SORCS2: variants seen among roughly 807,000 people sequenced by gnomAD.
SORCS2 encodes the protein VPS10 domain-containing receptor SorCS2.
A neutral mutation model predicts 141.6 loss-of-function variants in SORCS2; 100 were observed. The observed-to-expected ratio is 0.71, with a 90% CI of 0.60 to 0.83. The LOEUF (loss-of-function observed/expected upper bound fraction) is 0.83. Among genes scored for constraint, SORCS2 ranks in the 40% least tolerant of loss-of-function variants. The pLI, the probability that SORCS2 is intolerant of heterozygous loss-of-function variation, is 0.00. For missense variants in SORCS2, 1,646 were observed against 1,560.2 expected, an observed-to-expected ratio of 1.05 and a Z score of -0.93; for synonymous variants, 789 against 676.9, an observed-to-expected ratio of 1.17 and a Z score of -2.57.
At chr4:7,217,014 C>G (rs1728400255) in intron 1 of SORCS2, among the ~76,000 whole-genome samples, 1 of 152,226 alleles carries the variant, frequency 6.6e-6, no homozygotes, top group South Asian at 2.1e-4. Flanking sequence ...CTCTTCCAAT[C>G]CTCCGACCGC....
At chr4:7,710,556 A>G (rs1352129112) in intron 14 of SORCS2, among the ~76,000 whole-genome samples, 3 of 152,138 alleles carry the variant, frequency 2.0e-5, no homozygotes, top group South Asian at 2.1e-4. Flanking sequence ...TAAGAGACCA[A>G]TGCCCCAGGC....
intron 1 of SORCS2, among the ~76,000 whole-genome samples, chr4:7,252,479 G>T (rs1008634547): frequency 2.0e-5 from 3 of 152,254 alleles, no homozygotes; most frequent in African/African-American, 4.8e-5. Flanking sequence ...ATGTTCCTAT[G>T]ATGGTTGAAC....
intron 26 of SORCS2, among the ~76,000 whole-genome samples, chr4:7,738,972 G>T (rs1037736882): frequency 6.6e-6 from 1 of 152,132 alleles, no homozygotes; most frequent in African/African-American, 2.4e-5. Flanking sequence ...ATGGCGTGAT[G>T]CGTCTGTAGA....
chr4:7,682,302 A>G (rs1210449286), intron 9 of SORCS2, among the ~76,000 whole-genome samples: 1 of 152,122 alleles, frequency 6.6e-6, no homozygotes, highest in African/African-American at 2.4e-5. Context: ...CGCAGAGGCA[A>G]GCCCAGAGGC....
In SORCS2 at chr4:7,547,272, C is replaced by G. The variant is rs75421146; in HGVS notation, c.648+15643C>G. On this transcript the variant is annotated intron_variant, in intron 3 of 26. Coordinates refer to ENST00000507866, the MANE Select transcript of SORCS2 (RefSeq NM_020777.3). Reference sequence around the variant, plus strand: ...CAGCCCACACTACCTTCGCTACTGTCTCCTCTCACCAAGCTGACTCCAGCA... The same window carrying G: ...CAGCCCACACTACCTTCGCTACTGTGTCCTCTCACCAAGCTGACTCCAGCA... 3.3e-3 allele frequency among the ~76,000 whole-genome samples: 501 copies of G among 152,330 alleles called. 24 individuals are homozygous for G. In the East Asian group the frequency reaches 0.08, roughly 24 times the overall value.
intron 3 of SORCS2, among the ~76,000 whole-genome samples, chr4:7,635,797 C>G (rs751351704): frequency 3.3e-5 from 5 of 152,204 alleles, no homozygotes; most frequent in Non-Finnish European, 5.9e-5. Flanking sequence ...CAAAAGTCGT[C>G]CAAGGAATCG....
At chr4:7,206,208 C>T (rs79813086) in intron 1 of SORCS2, among the ~76,000 whole-genome samples, 14 of 152,322 alleles carry the variant, frequency 9.2e-5, no homozygotes, top group African/African-American at 3.4e-4. Flanking sequence ...GCGTCTTCCC[C>T]AGGCCTCCTC....
intron 1 of SORCS2, among the ~76,000 whole-genome samples, chr4:7,257,467 G>A (rs1229889293): frequency 3.3e-5 from 5 of 152,092 alleles, no homozygotes; most frequent in African/African-American, 7.2e-5. Flanking sequence ...TCTCCGCATC[G>A]CGATGGTCAC....
At chr4:7,290,318 G>A (rs1255314823) in intron 1 of SORCS2, among the ~76,000 whole-genome samples, 1 of 152,202 alleles carries the variant, frequency 6.6e-6, no homozygotes, top group African/African-American at 2.4e-5. Flanking sequence ...CCCTTCAGCT[G>A]TGGGCGCCAC....
intron 4 of SORCS2, among the ~76,000 whole-genome samples, chr4:7,647,527 C>A (rs1418627289): frequency 6.6e-6 from 1 of 152,164 alleles, no homozygotes; most frequent in Non-Finnish European, 1.5e-5. Context: ...AGGGCCCTGT[C>A]TGCTTTTCTT....
chr4:7,454,650 C>T (rs1326435740), intron 2 of SORCS2, among the ~76,000 whole-genome samples: 2 of 86,354 alleles, frequency 2.3e-5, no homozygotes, highest in African/African-American at 9.7e-5. Flanking sequence ...GGGTCAGGCA[C>T]TGTGTTGGGG....
intron 1 of SORCS2, among the ~76,000 whole-genome samples, chr4:7,345,110 A>C (rs1720583680): frequency 6.6e-6 from 1 of 152,170 alleles, no homozygotes; most frequent in African/African-American, 2.4e-5. Context: ...TTACCTTGTG[A>C]TGAAAATGTC....
chr4:7,668,860 G>A (rs536900194), intron 8 of SORCS2, among the ~76,000 whole-genome samples: 40 of 152,046 alleles, frequency 2.6e-4, no homozygotes, highest in African/African-American at 8.9e-4. Context: ...CTGGTGTAGG[G>A]GAGAGGAAAG....
intron 3 of SORCS2, among the ~76,000 whole-genome samples, chr4:7,622,005 C>T (rs547404748): frequency 3.7e-4 from 56 of 152,260 alleles, no homozygotes; most frequent in South Asian, 3.1e-3. Flanking sequence ...GACTGATATC[C>T]GGGTGTGCGA....
intron 8 of SORCS2, among the ~76,000 whole-genome samples, chr4:7,674,506 A>G (rs1326631537): frequency 6.8e-6 from 1 of 146,656 alleles, no homozygotes; most frequent in East Asian, 2.2e-4. Flanking sequence ...CCGGGGGGGC[A>G]GAGCTTGCAG....
In SORCS2 at chr4:7,707,410, A is replaced by G. The variant is rs534116430; in HGVS notation, c.1868+3126A>G. Among the ~76,000 whole-genome samples the G allele has an allele frequency of 2.8e-3, 430 of 152,350 alleles. 9 individuals are homozygous for G. Among genetic ancestry groups the G allele is most frequent in the Non-Finnish European group, 3.3e-3 (226 of 68,028 alleles). On this transcript the variant is annotated intron_variant, in intron 14 of 26. Coordinates refer to ENST00000507866, the MANE Select transcript of SORCS2 (RefSeq NM_020777.3). ...CAGTTCCAGCTGAGCCAGGGTGGGA[A>G]ACCAGGTTTCGGGAAACTGAGATTG...
intron 3 of SORCS2, among the ~76,000 whole-genome samples, chr4:7,533,026 C>T (rs562347499): frequency 7.9e-5 from 12 of 151,644 alleles, no homozygotes; most frequent in African/African-American, 2.4e-4. Context: ...CTTCCCAGCC[C>T]CAGCCCTGGG....
intron 3 of SORCS2, among the ~76,000 whole-genome samples, chr4:7,599,854 T>G (rs1358153289): frequency 6.6e-6 from 1 of 151,472 alleles, no homozygotes; most frequent in Non-Finnish European, 1.5e-5. Flanking sequence ...GACAGAGTCT[T>G]GCTGTGTCAC....
chr4:7,557,548 T>C (rs73084722), intron 3 of SORCS2, among the ~76,000 whole-genome samples: 8,834 of 152,288 alleles, frequency 0.058, 398 homozygotes, highest in African/African-American at 0.12. Context: ...CTATGGAGAC[T>C]GAGAATTGGA....
Sources: gnomAD v4.1 joint callset for allele counts (sites outside exome capture counted in the v4.1 genomes callset) on GRCh38, gnomAD v4.1.1 for gene constraint, MANE v1.5 for transcripts, NCBI Gene and HGNC (gene_info 2026-07-23, HGNC 2026-07-21) for gene names.